Variants in ST3GAL5 observed in about 807,000 individuals in gnomAD.
ST3GAL5 encodes the protein ST3 beta-galactoside alpha-2,3-sialyltransferase 5.
Under a neutral mutation model 46.1 loss-of-function variants are expected in ST3GAL5, and 25 were observed. The ratio of observed to expected loss-of-function variants is 0.54; its 90% confidence interval spans 0.40 to 0.76. The LOEUF (loss-of-function observed/expected upper bound fraction) is 0.76. ST3GAL5 is among the 30% of genes least tolerant of loss of function. The pLI, the probability that ST3GAL5 is intolerant of heterozygous loss-of-function variation, is 0.00. For missense variants in ST3GAL5, 431 were observed against 521.2 expected (o/e 0.83, Z 1.69); for synonymous variants, 182 against 192.7 (o/e 0.94, Z 0.46).
chr2:85,841,287 G>A (rs1553402203), intron 6 of ST3GAL5, among the ~76,000 whole-genome samples: 1 of 152,036 alleles, frequency 6.6e-6, no homozygotes, highest in African/African-American at 2.4e-5. Flanking sequence ...CCTATGTAGA[G>A]CTGCTAAGCC....
At chr2:85,843,733 C>G (rs1399764578) in intron 6 of ST3GAL5, among the ~76,000 whole-genome samples, 2 of 152,220 alleles carry the variant, frequency 1.3e-5, no homozygotes, top group Non-Finnish European at 2.9e-5. Flanking sequence ...TGCACACCCC[C>G]ACGCCCCTGG....
rs994246159 is a variant in ST3GAL5 at position 85,846,318 on chromosome 2, CTAAG to C, written c.849+55_849+58del. The C allele has an allele frequency of 2.2e-5, 33 of 1,501,390 alleles. No individual in the cohort carries two copies. In the African/African-American group the frequency reaches 2.4e-4, roughly 11 times the overall value. The allele number at this position is 1,501,390 out of a possible 1,614,324, so 93.0% of individuals were successfully genotyped here. On this transcript the variant is annotated intron_variant, in intron 5 of 6. Coordinates refer to ENST00000638572, the MANE Select transcript of ST3GAL5 (RefSeq NM_003896.4). ...TAAAAATAAAAGGCTATAATTACAA[CTAAG>C]TAAGACTCCTTCACTTTTTACTAAG...
At chr2:85,863,297 T>C in intron 2 of ST3GAL5, 65 bp downstream of exon 2, 1 of 1,610,992 alleles carries the variant, frequency 6.2e-7, no homozygotes, top group Non-Finnish European at 8.5e-7. Context: ...TCACTGAATT[T>C]TTCTCCTAGT....
At chr2:85,844,916 A>G (rs1682598220) in intron 5 of ST3GAL5, 1 of 341,796 alleles carries the variant, frequency 2.9e-6, no homozygotes, top group Non-Finnish European at 5.7e-6. Context: ...CTCACCTCGC[A>G]TCCTCTCTCA....
chr2:85,856,232 C>T (rs1684095301), intron 3 of ST3GAL5: 1 of 152,114 alleles, frequency 6.6e-6, no homozygotes, highest in Non-Finnish European at 1.5e-5. Context: ...GAGGTATATC[C>T]ATACAATGAG....
chr2:85,874,568 C>T (rs1272491122), intron 1 of ST3GAL5, among the ~76,000 whole-genome samples: 1 of 152,034 alleles, frequency 6.6e-6, no homozygotes, highest in Non-Finnish European at 1.5e-5. Context: ...CTGTAAAACA[C>T]GACTTCCACC....
At chr2:85,852,945 C>T (rs1030141543) in intron 3 of ST3GAL5, 1 of 1,304,240 alleles carries the variant, frequency 7.7e-7, no homozygotes, top group African/African-American at 1.5e-5. Flanking sequence ...GGTGCCTGGG[C>T]TCACTGAATG....
rs1688081879 is a variant in ST3GAL5, at chr2:85,888,928, G to A, written c.-23C>T. The A allele has an allele frequency of 3.0e-6, 4 of 1,337,030 alleles. No individual in the cohort carries two copies. Among genetic ancestry groups the A allele is most frequent in the Non-Finnish European group, 2.9e-6 (3 of 1,038,414 alleles). 82.8% of individuals were successfully genotyped at this position (1,337,030 alleles called of 1,614,324 possible). ...CATACTAATGAGGGGGCGCCGGCCG[G>A]CCGCCAGCCCGGTACCCCGCGCCCC... On this transcript the variant is annotated 5_prime_UTR_variant, in exon 1 of 7. Transcript: ENST00000638572.
intron 3 of ST3GAL5, among the ~76,000 whole-genome samples, chr2:85,860,061 G>A (rs1257428923): frequency 1.3e-5 from 2 of 152,166 alleles, no homozygotes; most frequent in Non-Finnish European, 2.9e-5. Context: ...GTGACCCTGG[G>A]CAGGTTACTA....
At chr2:85,871,486 A>G (rs1685919146) in intron 1 of ST3GAL5, among the ~76,000 whole-genome samples, 1 of 152,214 alleles carries the variant, frequency 6.6e-6, no homozygotes. Context: ...TAACCATTTA[A>G]TGTAAGAGTA....
intron 1 of ST3GAL5, 66 bp from the exon 2 acceptor site, chr2:85,863,551 G>C: frequency 6.4e-7 from 1 of 1,573,880 alleles, no homozygotes; most frequent in Non-Finnish European, 8.7e-7. Flanking sequence ...ATGGATTATG[G>C]TTTTCAAAGA....
At chr2:85,846,932 G>T (rs778109090) in intron 4 of ST3GAL5, 2 of 217,064 alleles carry the variant, frequency 9.2e-6, no homozygotes, top group Non-Finnish European at 9.3e-6. Context: ...GAATCAGAAG[G>T]GAAAATCTAG....
chr2:85,873,829 T>C (rs750228477), intron 1 of ST3GAL5, among the ~76,000 whole-genome samples: 5 of 152,184 alleles, frequency 3.3e-5, no homozygotes, highest in Admixed American at 1.3e-4. Flanking sequence ...CTGCAAAGCA[T>C]ACAGATTCCC....
chr2:85,844,356 C>CA, intron 6 of ST3GAL5, 40 bp downstream of exon 6: 1 of 1,613,954 alleles, frequency 6.2e-7, no homozygotes, highest in South Asian at 1.1e-5. Flanking sequence ...CATCGCCCCT[C>CA]AAACAGGGAA....
chr2:85,857,536 C>CAAAA (rs369873432), intron 3 of ST3GAL5, among the ~76,000 whole-genome samples: 145 of 73,358 alleles, frequency 2.0e-3, no homozygotes, highest in African/African-American at 6.0e-3. Flanking sequence ...GACTCCGTCT[C>CAAAA]AAAAAAAAAA....
chr2:85,871,902 A>T (rs1685969349), intron 1 of ST3GAL5, among the ~76,000 whole-genome samples: 1 of 152,238 alleles, frequency 6.6e-6, no homozygotes. Flanking sequence ...ACATAGCTGC[A>T]GTGGACTGTG....
At chr2:85,876,090 T>A (rs1216704253) in intron 1 of ST3GAL5, among the ~76,000 whole-genome samples, 1 of 152,180 alleles carries the variant, frequency 6.6e-6, no homozygotes, top group Non-Finnish European at 1.5e-5. Context: ...GTCAAGGTAG[T>A]GGAGAGACCC....
At position 85,888,760 on chromosome 2, in the gene ST3GAL5, G is replaced by A. The variant is rs961460899; in HGVS notation, c.82+64C>T. On this transcript the variant is annotated intron_variant, in intron 1 of 6. Transcript: ENST00000638572. ...GCCCAGCCGGCCCGGGAAGAGACAA[G>A]TCGCCGCCGCAGCCCCCAGCCCGCG... is the stretch of plus-strand genomic sequence containing the variant. The A allele has an allele frequency of 3.5e-6, 4 of 1,135,954 alleles. No homozygotes were observed. In the African/African-American group the frequency reaches 4.9e-5, roughly 14 times the overall value. 70.4% of individuals were successfully genotyped at this position (1,135,954 alleles called of 1,614,324 possible). A position where few individuals can be genotyped will look rare whatever the true frequency, so the allele number is the denominator to read the frequency against.
At chr2:85,860,663 A>C (rs1684612342) in intron 3 of ST3GAL5, among the ~76,000 whole-genome samples, 1 of 152,092 alleles carries the variant, frequency 6.6e-6, no homozygotes, top group Admixed American at 6.5e-5. Context: ...GCTTGAGCCT[A>C]GGAGTTCAAG....
Sources: gnomAD v4.1 joint callset for allele counts (sites outside exome capture counted in the v4.1 genomes callset) on GRCh38, gnomAD v4.1.1 for gene constraint, MANE v1.5 for transcripts, NCBI Gene and HGNC (gene_info 2026-07-23, HGNC 2026-07-21) for gene names.